The following EPS15 variants were observed in gnomAD, a reference collection of about 807,000 sequenced individuals.
EPS15 encodes the protein epidermal growth factor receptor pathway substrate 15, also known as epidermal growth factor receptor substrate 15.
Under a neutral mutation model 113.8 loss-of-function variants are expected in EPS15, and 72 were observed. That is an observed-to-expected ratio of 0.63 (90% CI 0.52 to 0.77). EPS15 has a LOEUF of 0.77. Ranked by LOEUF, EPS15 falls within the 30% of genes least tolerant of loss-of-function variation. EPS15 has a pLI of 0.00. For missense variants in EPS15, 1,048 were observed against 1,045.8 expected, an observed-to-expected ratio of 1.00 and a Z score of -0.03; for synonymous variants, 344 against 363.4, an observed-to-expected ratio of 0.95 and a Z score of 0.61.
chr1:51,362,495 C>T (rs1433425664), intron 23 of EPS15, among the ~76,000 whole-genome samples: 4 of 152,128 alleles, frequency 2.6e-5, no homozygotes, highest in African/African-American at 9.7e-5. Context: ...AAAAAAACAA[C>T]CTCACTATTG....
chr1:51,375,155 C>T (rs1022568689), intron 21 of EPS15, among the ~76,000 whole-genome samples: 1 of 151,714 alleles, frequency 6.6e-6, no homozygotes, highest in Admixed American at 6.6e-5. Flanking sequence ...GTGCCCGCCA[C>T]CACGCCCGGC....
Position 51,486,504 on chromosome 1 carries a change from CAT to C in EPS15, c.34-5192_34-5191del, listed in dbSNP as rs775657416. Among the ~76,000 whole-genome samples the C allele has an allele frequency of 2.8e-3, 427 of 150,758 alleles. 1 individual carries two copies. The highest frequency in any genetic ancestry group is 4.2e-3 in the Non-Finnish European group (284 of 67,782). ...AATCTGGTGGAACATATAAAATAATCATAAATAGGGACAACTTATTTGTATCA... is the reference window on the plus strand; with the variant it reads ...AATCTGGTGGAACATATAAAATAATCAAATAGGGACAACTTATTTGTATCA... On this transcript the variant is annotated intron_variant, in intron 1 of 24. Coordinates refer to ENST00000371733, the MANE Select transcript of EPS15 (RefSeq NM_001981.3).
intron 1 of EPS15, among the ~76,000 whole-genome samples, chr1:51,516,128 A>T (rs1644711785): frequency 6.6e-6 from 1 of 152,142 alleles, no homozygotes; most frequent in Admixed American, 6.5e-5. Flanking sequence ...AGTAAAGACA[A>T]CTGAATTAGA....
chr1:51,357,392 ATATAT>A (rs1227291190), intron 24 of EPS15, among the ~76,000 whole-genome samples: 735 of 59,044 alleles, frequency 0.012, 15 homozygotes, highest in Non-Finnish European at 0.017. Flanking sequence ...AAAAAAAAAA[ATATAT>A]ATATATATAT....
rs1052009309 is a variant in EPS15, at chr1:51,390,675, C to A, written c.2119+3706G>T. ...TGAAGGATATGAACAGACACTTCTCCAAAGAAGACATTTATGCAGCCAACA... is the reference window on the plus strand; with the variant it reads ...TGAAGGATATGAACAGACACTTCTCAAAAGAAGACATTTATGCAGCCAACA... On this transcript the variant is annotated intron_variant, in intron 21 of 24. Coordinates refer to ENST00000371733, the MANE Select transcript of EPS15 (RefSeq NM_001981.3). Among the ~76,000 whole-genome samples the A allele has an allele frequency of 1.7e-4, 26 of 152,046 alleles. No homozygotes were observed. The East Asian group carries it at 2.1e-3, about 12-fold the overall frequency.
chr1:51,463,753 G>C lies in EPS15; in HGVS notation c.421C>G (p.Pro141Ala). Residue 141 changes from proline to alanine, a missense_variant, in exon 7 of 25, where the codon CCA (proline) becomes GCA (alanine). Coordinates refer to ENST00000371733, the MANE Select transcript of EPS15 (RefSeq NM_001981.3). Reference protein sequence around the residue: ...KYDAIFDSLSPVNGFLSGDKV... With the variant: ...KYDAIFDSLSAVNGFLSGDKV... ...TCACCAGACAGAAATCCATTCACTG[G>C]GCTTAAACTATCAAATATTGCATCA... The C allele has an allele frequency of 6.2e-7, 1 of 1,602,842 alleles. No homozygotes were observed. The highest frequency in any genetic ancestry group is 8.5e-7 in the Non-Finnish European group (1 of 1,170,822).
chr1:51,379,919 G>T (rs982548624), intron 21 of EPS15, among the ~76,000 whole-genome samples: 1 of 152,098 alleles, frequency 6.6e-6, no homozygotes, highest in African/African-American at 2.4e-5. Flanking sequence ...AAAATTAGTG[G>T]GGCATGGTGG....
intron 21 of EPS15, among the ~76,000 whole-genome samples, chr1:51,375,695 T>C (rs1368309289): frequency 2.0e-5 from 3 of 152,220 alleles, no homozygotes; most frequent in East Asian, 1.9e-4. Flanking sequence ...CTGACCTGAA[T>C]GACCTATATA....
chr1:51,429,042 C>A (rs974416390), intron 12 of EPS15, among the ~76,000 whole-genome samples: 4 of 152,078 alleles, frequency 2.6e-5, no homozygotes, highest in South Asian at 4.1e-4. Context: ...CAGGTATGCA[C>A]CACCACAGCC....
intron 12 of EPS15, among the ~76,000 whole-genome samples, chr1:51,431,933 G>T (rs1043273141): frequency 6.6e-6 from 1 of 152,114 alleles, no homozygotes; most frequent in Admixed American, 6.6e-5. Flanking sequence ...AGACTCCAGA[G>T]CAATGCCTGG....
At chr1:51,407,770 G>A (rs1649269069) in intron 15 of EPS15, among the ~76,000 whole-genome samples, 1 of 152,214 alleles carries the variant, frequency 6.6e-6, no homozygotes, top group Non-Finnish European at 1.5e-5. Context: ...TACAGGTTTT[G>A]CCTCATTAAT....
intron 12 of EPS15, 23 bp downstream of exon 12, chr1:51,440,324 G>C (rs754457006): frequency 1.1e-6 from 1 of 914,022 alleles, no homozygotes; most frequent in Non-Finnish European, 1.8e-6. Flanking sequence ...TATGTGAGTA[G>C]GCTGTAATTT....
chr1:51,395,991 T>C (rs990343473), intron 20 of EPS15, among the ~76,000 whole-genome samples: 2 of 152,212 alleles, frequency 1.3e-5, no homozygotes, highest in African/African-American at 4.8e-5. Context: ...AGAAAGGTAA[T>C]GTTAACTGGG....
At chr1:51,506,021 G>C (rs933237532) in intron 1 of EPS15, among the ~76,000 whole-genome samples, 1 of 152,062 alleles carries the variant, frequency 6.6e-6, no homozygotes, top group Non-Finnish European at 1.5e-5. Flanking sequence ...CGAGTAGCTA[G>C]AATTACAGGT....
chr1:51,457,862 G>A (rs1222168910), intron 8 of EPS15: 1 of 151,996 alleles, frequency 6.6e-6, no homozygotes, highest in Admixed American at 6.6e-5. Context: ...ACATTAACTG[G>A]GAGGCGGGGT....
Position 51,356,506 on chromosome 1 carries a change from G to T in EPS15, c.*194C>A. 1 of 491,218 alleles carries T rather than the reference G, an allele frequency of 2.0e-6. No individual in the cohort carries two copies. The highest frequency in any genetic ancestry group is 3.5e-6 in the Non-Finnish European group (1 of 285,504). 30.4% of individuals were successfully genotyped at this position (491,218 alleles called of 1,614,324 possible). A position where few individuals can be genotyped will look rare whatever the true frequency, so the allele number is the denominator to read the frequency against. ...GGTGAATTTGTCTGACTGGGTTACG[G>T]CTTTTATAAGAAAAAAAAAAAAAGA... On this transcript the variant is annotated 3_prime_UTR_variant, in exon 25 of 25. Coordinates refer to ENST00000371733, the MANE Select transcript of EPS15 (RefSeq NM_001981.3).
chr1:51,402,200 A>T (rs1383871546), intron 18 of EPS15, among the ~76,000 whole-genome samples: 1 of 152,056 alleles, frequency 6.6e-6, no homozygotes, highest in Non-Finnish European at 1.5e-5. Flanking sequence ...ACATAAAATT[A>T]GCTGGGTGTG....
At chr1:51,394,593 C>G (rs758339298) in intron 20 of EPS15, 146 bp from the exon 21 acceptor site, 24 of 464,456 alleles carry the variant, frequency 5.2e-5, no homozygotes, top group Non-Finnish European at 7.9e-5. Flanking sequence ...CCATAGTGAT[C>G]TGCAATCTTA....
intron 24 of EPS15, among the ~76,000 whole-genome samples, chr1:51,357,370 C>A (rs1194852256): frequency 1.4e-5 from 1 of 72,946 alleles, no homozygotes; most frequent in East Asian, 3.5e-4. Context: ...AAGTGAGATT[C>A]CATCTGAAAA....
Sources: gnomAD v4.1 joint callset for allele counts (sites outside exome capture counted in the v4.1 genomes callset) on GRCh38, gnomAD v4.1.1 for gene constraint, MANE v1.5 for transcripts, NCBI Gene and HGNC (gene_info 2026-07-23, HGNC 2026-07-21) for gene names.